The following LIMCH1 variants were observed in gnomAD, a reference collection of about 807,000 sequenced individuals.
LIMCH1 encodes LIM and calponin homology domains-containing protein 1.
Under a neutral mutation model 176.5 loss-of-function variants are expected in LIMCH1, and 113 were observed. The observed-to-expected ratio is 0.64, with a 90% CI of 0.55 to 0.75. The LOEUF is 0.75. Among genes scored for constraint, LIMCH1 ranks in the 30% least tolerant of loss-of-function variants. The pLI is 0.00. For missense variants in LIMCH1, 1,674 were observed against 1,814.9 expected (o/e 0.92, Z 1.41); for synonymous variants, 619 against 645.9 (o/e 0.96, Z 0.63).
chr4:41,649,403 A>G (rs2094198563), intron 17 of LIMCH1, among the ~76,000 whole-genome samples: 3 of 152,248 alleles, frequency 2.0e-5, no homozygotes, highest in Non-Finnish European at 4.4e-5. Flanking sequence ...CCGTCTCAAA[A>G]AATAAATAAA....
At chr4:41,630,242 A>C (rs1276295678) in intron 9 of LIMCH1, among the ~76,000 whole-genome samples, 1 of 152,160 alleles carries the variant, frequency 6.6e-6, no homozygotes, top group Non-Finnish European at 1.5e-5. Context: ...CTGGGATTAC[A>C]GGCATGAGCC....
At chr4:41,626,335 TTAAG>T (rs1286234766) in intron 7 of LIMCH1, among the ~76,000 whole-genome samples, 5 of 152,074 alleles carry the variant, frequency 3.3e-5, no homozygotes, top group African/African-American at 1.2e-4. Context: ...CAAAAACAAA[TTAAG>T]TGTCTACTGG....
chr4:41,486,977 T>TACACACACAC (rs71927545), intron 1 of LIMCH1, among the ~76,000 whole-genome samples: 3,001 of 138,434 alleles, frequency 0.022, 73 homozygotes, highest in African/African-American at 0.046. Context: ...CACACATACA[T>TACACACACAC]ACACACACAC....
At chr4:41,476,355 T>C (rs1458881621) in intron 1 of LIMCH1, among the ~76,000 whole-genome samples, 2 of 152,246 alleles carry the variant, frequency 1.3e-5, no homozygotes, top group Admixed American at 1.3e-4. Flanking sequence ...GAGTTCTTGG[T>C]AATACCCTGG....
At chr4:41,694,432 T>C (rs1051068205) in intron 31 of LIMCH1, among the ~76,000 whole-genome samples, 2 of 152,212 alleles carry the variant, frequency 1.3e-5, no homozygotes, top group African/African-American at 4.8e-5. Flanking sequence ...ATAAGTATGA[T>C]GTATCTACCT....
intron 1 of LIMCH1, among the ~76,000 whole-genome samples, chr4:41,363,283 G>A (rs988554230): frequency 2.6e-5 from 4 of 152,054 alleles, no homozygotes; most frequent in Non-Finnish European, 5.9e-5. Context: ...ATCCCCGGGT[G>A]GGGGGGCGGA....
At chr4:41,392,995 A>ACC (rs2057413110) in intron 1 of LIMCH1, among the ~76,000 whole-genome samples, 1 of 152,150 alleles carries the variant, frequency 6.6e-6, no homozygotes, top group Admixed American at 6.5e-5. Context: ...GCGCCGCTGC[A>ACC]CTCCAGCCTG....
intron 1 of LIMCH1, among the ~76,000 whole-genome samples, chr4:41,578,045 A>G (rs924427749): frequency 6.6e-6 from 1 of 152,206 alleles, no homozygotes; most frequent in African/African-American, 2.4e-5. Context: ...ACAAATGCCA[A>G]ATCCTAAGGC....
In LIMCH1 at chr4:41,631,065, G is replaced by GTT. The variant is rs113754792; in HGVS notation, c.1272-73_1272-72dup. On this transcript the variant is annotated intron_variant, in intron 9 of 31. Coordinates refer to ENST00000503057, the MANE Select transcript of LIMCH1 (RefSeq NM_001330672.2). ...TGATAGGGAGGGCCAACTACTTCTA[G>GTT]TTTTTTTTTTTGTTTTTTTTTTAAA... is the stretch of plus-strand genomic sequence containing the variant. 1,749 of 999,302 alleles carry GTT rather than the reference G, an allele frequency of 1.8e-3. 1 individual carries two copies. The highest frequency in any genetic ancestry group is 4.7e-3 in the African/African-American group (264 of 56,662). 61.9% of individuals were successfully genotyped at this position (999,302 alleles called of 1,614,324 possible).
intron 2 of LIMCH1, among the ~76,000 whole-genome samples, chr4:41,521,427 C>T (rs771123424): frequency 6.6e-6 from 1 of 152,164 alleles, no homozygotes; most frequent in Non-Finnish European, 1.5e-5. Context: ...AGCATAATCA[C>T]TTCAAAGCAT....
chr4:41,397,445 A>G (rs1296838275), intron 1 of LIMCH1, among the ~76,000 whole-genome samples: 1 of 151,800 alleles, frequency 6.6e-6, no homozygotes, highest in South Asian at 2.1e-4. Context: ...TTTTTTTTTC[A>G]GAATACGTTA....
intron 21 of LIMCH1, among the ~76,000 whole-genome samples, chr4:41,668,644 A>C (rs1280774419): frequency 6.6e-6 from 1 of 152,218 alleles, no homozygotes; most frequent in Non-Finnish European, 1.5e-5. Context: ...AACATTTCAA[A>C]ATGTATTCTT....
chr4:41,497,008 A>G (rs969708330), intron 2 of LIMCH1, among the ~76,000 whole-genome samples: 2 of 152,210 alleles, frequency 1.3e-5, no homozygotes, highest in African/African-American at 4.8e-5. Context: ...ACTCTCTACA[A>G]TTTCAAATTT....
At chr4:41,472,899 C>T (rs900217647) in intron 1 of LIMCH1, 1 of 436,448 alleles carries the variant, frequency 2.3e-6, no homozygotes, top group Non-Finnish European at 3.0e-6. Context: ...GACCATGGAC[C>T]CTTCTTTCCA....
rs987338794 is a variant in LIMCH1, at chr4:41,663,062, C to A, written c.3291+78C>A. Reference sequence around the variant, plus strand: ...ATATTACAGCTAGCTGCTGCTGTGGCAGTTGTGAATAATGAAGATTTATTT... The same window carrying A: ...ATATTACAGCTAGCTGCTGCTGTGGAAGTTGTGAATAATGAAGATTTATTT... On this transcript the variant is annotated intron_variant, in intron 20 of 31. Coordinates refer to ENST00000503057, the MANE Select transcript of LIMCH1 (RefSeq NM_001330672.2). 1.1e-5 allele frequency: 14 copies of A among 1,331,550 alleles called. No individual in the cohort carries two copies. In the African/African-American group the frequency reaches 2.1e-4, roughly 19 times the overall value. 82.5% of individuals were successfully genotyped at this position (1,331,550 alleles called of 1,614,324 possible). A position where few individuals can be genotyped will look rare whatever the true frequency, so the allele number is the denominator to read the frequency against.
chr4:41,631,245 G>T lies in LIMCH1; in HGVS notation c.1369G>T (p.Ala457Ser). 6.5e-7 allele frequency: 1 copy of T among 1,536,052 alleles called. No individual in the cohort carries two copies. The highest frequency in any genetic ancestry group is 8.7e-7 in the Non-Finnish European group (1 of 1,146,902). Residue 457 changes from alanine to serine, a missense_variant, in exon 10 of 32, where the codon GCC becomes TCC. Physicochemically the swap from Ala to Ser is moderately conservative, Grantham distance 99. Around this residue, in one of 3 missense-constraint regions of LIMCH1, gnomAD observed 655 missense variants for 692.2 expected, o/e 0.95. Transcript: ENST00000503057. ...RDDFANRKARASKKASSPRQK... is the reference protein window; with the variant it reads ...RDDFANRKARSSKKASSPRQK... ...TGACTTTGCCAACCGCAAAGCAAGG[G>T]CCTCTAAGAAAGCTTCCAGCCCCAG... is the stretch of plus-strand genomic sequence containing the variant.
chr4:41,395,269 G>C (rs1045901135), intron 1 of LIMCH1, among the ~76,000 whole-genome samples: 10 of 108,946 alleles, frequency 9.2e-5, no homozygotes, highest in African/African-American at 3.7e-4. Context: ...TTTCGCTCTT[G>C]TCACCCAGTC....
chr4:41,635,428 G>C (rs1489913095), intron 13 of LIMCH1, among the ~76,000 whole-genome samples: 1 of 152,166 alleles, frequency 6.6e-6, no homozygotes, highest in East Asian at 1.9e-4. Flanking sequence ...GGGTTTCGCT[G>C]TGTTGGCCAG....
At chr4:41,585,615 T>A (rs2086299544) in intron 1 of LIMCH1, among the ~76,000 whole-genome samples, 2 of 152,246 alleles carry the variant, frequency 1.3e-5, no homozygotes, top group African/African-American at 4.8e-5. Context: ...AACATCAAAC[T>A]GTTTTCCATA....
Sources: allele counts gnomAD v4.1 joint callset (sites outside exome capture counted in the v4.1 genomes callset), GRCh38; gene constraint gnomAD v4.1.1; regional missense constraint gnomAD v4.1.1; transcripts MANE v1.5; gene names NCBI Gene and HGNC (gene_info 2026-07-23, HGNC 2026-07-21).